The following PTPRD variants were observed in gnomAD, a reference collection of about 807,000 sequenced individuals.
PTPRD encodes receptor-type tyrosine-protein phosphatase delta.
In PTPRD, 34 loss-of-function variants were observed where a neutral mutation model predicts 214.5. The ratio of observed to expected loss-of-function variants is 0.16; its 90% CI spans 0.12 to 0.21. PTPRD has a LOEUF of 0.21. Among genes scored for constraint, PTPRD ranks in the 10% least tolerant of loss-of-function variants. PTPRD has a pLI of 1.00. For missense variants in PTPRD, 2,545 were observed against 2,398.7 expected (o/e 1.06, Z -1.27); for synonymous variants, 1,128 against 845.7 (o/e 1.33, Z -5.79).
At chr9:9,350,434 C>T (rs753013091) in intron 9 of PTPRD, among the ~76,000 whole-genome samples, 10 of 152,112 alleles carry the variant, frequency 6.6e-5, no homozygotes, top group South Asian at 4.2e-4. Context: ...TGTATCAACT[C>T]CTCTGTAAGA....
intron 3 of PTPRD, among the ~76,000 whole-genome samples, chr9:10,307,730 T>C (rs2096129453): frequency 6.6e-6 from 1 of 152,054 alleles, no homozygotes; most frequent in Non-Finnish European, 1.5e-5. Context: ...CCAGCATCTC[T>C]TATTTTTTGT....
At chr9:9,135,338 G>T (rs958495000) in intron 10 of PTPRD, among the ~76,000 whole-genome samples, 5 of 152,052 alleles carry the variant, frequency 3.3e-5, no homozygotes, top group Non-Finnish European at 7.4e-5. Flanking sequence ...GTAATCTTTT[G>T]GTTCAGAGAA....
intron 5 of PTPRD, among the ~76,000 whole-genome samples, chr9:9,853,723 AT>A (rs760841386): frequency 2.0e-5 from 3 of 151,820 alleles, no homozygotes. Context: ...TAATGTTTGT[AT>A]TTTTAGTAGA....
intron 9 of PTPRD, among the ~76,000 whole-genome samples, chr9:9,288,461 T>C (rs1288479883): frequency 6.6e-6 from 1 of 151,876 alleles, no homozygotes; most frequent in Non-Finnish European, 1.5e-5. Flanking sequence ...TCAGAGTATT[T>C]CCATAGTCAT....
In PTPRD at chr9:8,440,782, G is replaced by A. The variant is rs913255306; in HGVS notation, c.3989-4093C>T. On this transcript the variant is annotated intron_variant, in intron 34 of 45. Transcript: ENST00000381196. ...TCCCTTTAATAGGGTACATATTGGT[G>A]AGACTGATGTCACGGTGACTTCCTT... Among the ~76,000 whole-genome samples the A allele has an allele frequency of 2.0e-5, 3 of 152,190 alleles. No individual in the cohort carries two copies. The East Asian group carries it at 5.8e-4, about 29-fold the overall frequency.
intron 22 of PTPRD, among the ~76,000 whole-genome samples, chr9:8,505,624 CAAAA>C (rs954059567): frequency 5.4e-5 from 3 of 55,736 alleles, no homozygotes; most frequent in African/African-American, 2.5e-4. Flanking sequence ...GACTCTGTCT[CAAAA>C]AAAAAAAAAA....
chr9:9,981,322 G>A (rs1304982015), intron 4 of PTPRD, among the ~76,000 whole-genome samples: 2 of 148,860 alleles, frequency 1.3e-5, no homozygotes, highest in East Asian at 3.9e-4. Context: ...ATAACATGTA[G>A]GTAAATTTAA....
intron 8 of PTPRD, among the ~76,000 whole-genome samples, chr9:9,564,535 C>G (rs73641314): frequency 3.5e-4 from 53 of 152,148 alleles, no homozygotes; most frequent in African/African-American, 1.1e-3. Context: ...ATCAGATTTA[C>G]TAGATGATTC....
At chr9:8,858,462 G>C (rs1048029868) in intron 11 of PTPRD, 1 of 152,368 alleles carries the variant, frequency 6.6e-6, no homozygotes, top group Admixed American at 6.5e-5. Context: ...TGGTAGTTAC[G>C]GCTGCAGAAG....
chr9:9,524,609 T>G (rs947103180), intron 8 of PTPRD, among the ~76,000 whole-genome samples: 26 of 152,206 alleles, frequency 1.7e-4, no homozygotes, highest in Non-Finnish European at 3.1e-4. Context: ...TTCCTCAAGA[T>G]TCCTAGAAAC....
intron 3 of PTPRD, among the ~76,000 whole-genome samples, chr9:10,310,197 A>C (rs2096230200): frequency 6.6e-6 from 1 of 152,090 alleles, no homozygotes; most frequent in Admixed American, 6.6e-5. Context: ...CATTTGTTTC[A>C]GGGACAAACT....
chr9:9,987,160 C>T (rs185294848), intron 4 of PTPRD, among the ~76,000 whole-genome samples: 43 of 152,212 alleles, frequency 2.8e-4, no homozygotes, highest in African/African-American at 9.1e-4. Context: ...AACCAACAAC[C>T]TTTTCTCTGG....
Position 8,900,203 on chromosome 9 carries a change from T to G in PTPRD, c.-104+118494A>C, listed in dbSNP as rs114069649. On this transcript the variant is annotated intron_variant, in intron 11 of 45. Transcript: ENST00000381196. ...ATAATTAGGTTCAAAGGTATTACCT[T>G]GGTGAAAAAGCACCATTAGAAAGTA... Among the ~76,000 whole-genome samples, 233 of 152,294 alleles carry G rather than the reference T, an allele frequency of 1.5e-3. 1 individual carries two copies. Among genetic ancestry groups the G allele is most frequent in the African/African-American group, 5.3e-3 (220 of 41,570 alleles).
intron 3 of PTPRD, among the ~76,000 whole-genome samples, chr9:10,053,500 A>T (rs1415303137): frequency 6.6e-6 from 1 of 152,112 alleles, no homozygotes; most frequent in Admixed American, 6.6e-5. Context: ...AAAGCTATGG[A>T]TCTTCTCAGT....
chr9:8,998,083 G>T (rs149692292), intron 11 of PTPRD, among the ~76,000 whole-genome samples: 572 of 152,224 alleles, frequency 3.8e-3, no homozygotes, highest in African/African-American at 0.013. Flanking sequence ...ATAGTGCAAG[G>T]TAAAGCAGCA....
chr9:10,375,474 G>A (rs2097710451), intron 2 of PTPRD, among the ~76,000 whole-genome samples: 1 of 151,944 alleles, frequency 6.6e-6, no homozygotes, highest in African/African-American at 2.4e-5. Flanking sequence ...TAGCAAGTGA[G>A]GAGAAGATAT....
Position 8,929,801 on chromosome 9 carries a change from A to G in PTPRD, c.-104+88896T>C, listed in dbSNP as rs1482582501. Among the ~76,000 whole-genome samples, 14 of 116,376 alleles carry G rather than the reference A, an allele frequency of 1.2e-4. 2 individuals are homozygous for G. The highest frequency in any genetic ancestry group is 2.2e-4 in the Non-Finnish European group (12 of 55,678). The allele number at this position is 116,376 out of a possible 152,430, so 76.3% of individuals were successfully genotyped here. On this transcript the variant is annotated intron_variant, in intron 11 of 45. Coordinates refer to ENST00000381196, the MANE Select transcript of PTPRD (RefSeq NM_002839.4). ...TATGGGTGTGTATATATGTGTGTGT[A>G]TATATGTGTATATATATGTGTATAT...
At chr9:10,101,764 A>T (rs1198457364) in intron 3 of PTPRD, among the ~76,000 whole-genome samples, 2 of 151,748 alleles carry the variant, frequency 1.3e-5, no homozygotes, top group Admixed American at 1.3e-4. Flanking sequence ...AACTGTACTC[A>T]GTAAGAGTGA....
chr9:9,762,167 A>C (rs1420042714), intron 6 of PTPRD, among the ~76,000 whole-genome samples: 1 of 152,206 alleles, frequency 6.6e-6, no homozygotes, highest in Non-Finnish European at 1.5e-5. Flanking sequence ...AAACTGTGGC[A>C]GTAGCCCTGA....
Sources: gnomAD v4.1 joint callset for allele counts (sites outside exome capture counted in the v4.1 genomes callset) on GRCh38, gnomAD v4.1.1 for gene constraint, MANE v1.5 for transcripts, NCBI Gene and HGNC (gene_info 2026-07-23, HGNC 2026-07-21) for gene names.